Variants in ESR1 observed in about 807,000 individuals in gnomAD.
The protein encoded by ESR1 is estrogen receptor 1, also known as estrogen receptor.
ESR1 carries 12 observed loss-of-function variants against 52.7 expected under a neutral mutation model. The ratio of observed to expected loss-of-function variants is 0.23; its 90% confidence interval spans 0.15 to 0.37. The LOEUF is 0.37. Among genes scored for constraint, ESR1 ranks in the 10% least tolerant of loss-of-function variants. The probability of loss-of-function intolerance (pLI) is 1.00; values close to 1 mark genes in which losing one functional copy is unlikely to be tolerated. For synonymous variants in ESR1, 305 were observed against 316.8 expected (o/e 0.96, Z 0.39); for missense variants, 584 against 779.7 (o/e 0.75, Z 2.99).
intron 6 of ESR1, among the ~76,000 whole-genome samples, chr6:152,064,194 C>T (rs2047781112): frequency 6.6e-6 from 1 of 152,250 alleles, no homozygotes; most frequent in African/African-American, 2.4e-5. Context: ...TCAAGACATT[C>T]TGAGAACTAG....
chr6:151,879,543 G>C (rs1334757455), intron 2 of ESR1, among the ~76,000 whole-genome samples: 1 of 152,178 alleles, frequency 6.6e-6, no homozygotes, highest in African/African-American at 2.4e-5. Context: ...AAGCCAATGA[G>C]TAAGGAGCAT....
chr6:151,951,866 A>G (rs529618200), intron 4 of ESR1, among the ~76,000 whole-genome samples: 2 of 152,178 alleles, frequency 1.3e-5, no homozygotes, highest in African/African-American at 2.4e-5. Context: ...CCCTTCTGCC[A>G]GGGGCTCCAC....
chr6:151,756,533 T>C (rs1041944180), intron 2 of ESR1, among the ~76,000 whole-genome samples: 10 of 152,338 alleles, frequency 6.6e-5, no homozygotes, highest in South Asian at 2.1e-4. Flanking sequence ...ATGCTACCTA[T>C]TTATTTGTCT....
At chr6:151,751,573 A>T (rs1783902688) in intron 2 of ESR1, among the ~76,000 whole-genome samples, 1 of 152,216 alleles carries the variant, frequency 6.6e-6, no homozygotes, top group African/African-American at 2.4e-5. Context: ...TACTGAAGGG[A>T]GAAATTTAGG....
intron 1 of ESR1, among the ~76,000 whole-genome samples, chr6:151,667,124 A>C (rs370223156): frequency 3.3e-4 from 50 of 152,174 alleles, no homozygotes; most frequent in African/African-American, 1.2e-3. Context: ...GGATAACTAG[A>C]GCCTCCCTTC....
intron 4 of ESR1, among the ~76,000 whole-genome samples, chr6:151,975,154 C>T (rs1471987623): frequency 6.6e-6 from 1 of 152,158 alleles, no homozygotes; most frequent in Non-Finnish European, 1.5e-5. Flanking sequence ...CTTTCAGTCC[C>T]TTCTGTCCTC....
At chr6:151,969,461 ATGTG>A (rs140607624) in intron 4 of ESR1, among the ~76,000 whole-genome samples, 1 of 151,400 alleles carries the variant, frequency 6.6e-6, no homozygotes, top group African/African-American at 2.4e-5. Flanking sequence ...TTTTGAGGGA[ATGTG>A]TGTGTGTGTG....
chr6:151,664,802 T>C (rs1297953176), intron 1 of ESR1, among the ~76,000 whole-genome samples: 1 of 152,242 alleles, frequency 6.6e-6, no homozygotes, highest in Non-Finnish European at 1.5e-5. Flanking sequence ...ATGTATTGTG[T>C]CTGTGTTTTT....
rs146511622 is a variant in ESR1, at chr6:151,785,425, A to G, written c.-70-22418A>G. Among the ~76,000 whole-genome samples, 287 of 152,344 alleles carry G rather than the reference A, an allele frequency of 1.9e-3. 1 individual carries two copies. The highest frequency in any genetic ancestry group is 6.7e-3 in the African/African-American group (278 of 41,570). On this transcript the variant is annotated intron_variant, in intron 2 of 2. Coordinates refer to the ESR1 transcript ENST00000404742. ...CTGGAGCCCATACTTTGAGAACCACAGAGTAAGGGTATACCTCTGTTATTA... is the reference window on the plus strand; with the variant it reads ...CTGGAGCCCATACTTTGAGAACCACGGAGTAAGGGTATACCTCTGTTATTA...
chr6:151,895,133 G>T (rs1483159178), intron 3 of ESR1, among the ~76,000 whole-genome samples: 46 of 125,876 alleles, frequency 3.7e-4, no homozygotes, highest in South Asian at 9.9e-4. Context: ...GTTTTTTTTG[G>T]TTTTTTTTTT....
At chr6:152,007,367 G>A (rs2042413159) in intron 4 of ESR1, among the ~76,000 whole-genome samples, 1 of 151,984 alleles carries the variant, frequency 6.6e-6, no homozygotes, top group South Asian at 2.1e-4. Context: ...CAGAAGGCAG[G>A]GATGTCTGTG....
chr6:151,926,016 C>T (rs756157394), intron 3 of ESR1, among the ~76,000 whole-genome samples: 1 of 152,098 alleles, frequency 6.6e-6, no homozygotes, highest in Non-Finnish European at 1.5e-5. Flanking sequence ...TTTTCCACAT[C>T]AATGTCCAGT....
At chr6:152,008,900 G>T (rs538392290) in intron 4 of ESR1, among the ~76,000 whole-genome samples, 1 of 152,190 alleles carries the variant, frequency 6.6e-6, no homozygotes, top group South Asian at 2.1e-4. Flanking sequence ...ATGAAATTAA[G>T]AAATGAAACC....
At chr6:152,070,049 T>G (rs2048251284) in intron 6 of ESR1, among the ~76,000 whole-genome samples, 1 of 137,710 alleles carries the variant, frequency 7.3e-6, no homozygotes, top group Admixed American at 6.8e-5. Flanking sequence ...CCAGTGAATG[T>G]CTCATCAAGT....
At chr6:151,933,661 T>C (rs953166785) in intron 3 of ESR1, among the ~76,000 whole-genome samples, 3 of 152,206 alleles carry the variant, frequency 2.0e-5, no homozygotes, top group Non-Finnish European at 4.4e-5. Context: ...GTTTTTAGCA[T>C]GAAGAGTTGT....
At chr6:151,890,609 A>G (rs1794572457) in intron 3 of ESR1, among the ~76,000 whole-genome samples, 1 of 152,180 alleles carries the variant, frequency 6.6e-6, no homozygotes, top group South Asian at 2.1e-4. Flanking sequence ...TTATTGTATT[A>G]CAGTCTATCT....
chr6:151,703,788 CAT>C (rs1033187066), intron 2 of ESR1, among the ~76,000 whole-genome samples: 15 of 152,210 alleles, frequency 9.9e-5, no homozygotes, highest in African/African-American at 2.2e-4. Flanking sequence ...TGATTCTACA[CAT>C]GTCAGTCCCT....
chr6:152,067,059 CTTCTTAGCAGGTAATAAATA>C (rs2048016713), intron 6 of ESR1, among the ~76,000 whole-genome samples: 1 of 152,154 alleles, frequency 6.6e-6, no homozygotes, highest in East Asian at 1.9e-4. Flanking sequence ...TTACTCTGTT[CTTCTTAGCAGGTAATAAATA>C]AATCCCTGCC....
chr6:151,762,312 G>A (rs2128098152), intron 2 of ESR1, among the ~76,000 whole-genome samples: 1 of 152,342 alleles, frequency 6.6e-6, no homozygotes, highest in Admixed American at 6.5e-5. Flanking sequence ...TGGGAAGCAT[G>A]TTGTACAGCT....
Sources: gnomAD v4.1 joint callset for allele counts (sites outside exome capture counted in the v4.1 genomes callset) on GRCh38, gnomAD v4.1.1 for gene constraint, MANE v1.5 for transcripts, NCBI Gene and HGNC (gene_info 2026-07-23, HGNC 2026-07-21) for gene names.